ROR1: variants seen among roughly 807,000 people sequenced by gnomAD.
The protein encoded by ROR1 is inactive tyrosine-protein kinase transmembrane receptor ROR1.
Under a neutral mutation model 78.8 loss-of-function variants are expected in ROR1, and 19 were observed. That is an observed-to-expected ratio of 0.24 (90% confidence interval 0.17 to 0.35). ROR1 has a LOEUF of 0.35. Among genes scored for constraint, ROR1 ranks in the 10% least tolerant of loss-of-function variants. The pLI, the probability that ROR1 is intolerant of heterozygous loss-of-function variation, is 1.00. For synonymous variants in ROR1, 386 were observed against 433.6 expected, an observed-to-expected ratio of 0.89 and a Z score of 1.36; for missense variants, 917 against 1,177.8, an observed-to-expected ratio of 0.78 and a Z score of 3.24.
intron 1 of ROR1, among the ~76,000 whole-genome samples, chr1:63,965,669 G>T (rs1296823840): frequency 6.6e-6 from 1 of 151,872 alleles, no homozygotes; most frequent in Admixed American, 6.6e-5. Context: ...TTATTCTATT[G>T]TGCTGTTATC....
intron 4 of ROR1, among the ~76,000 whole-genome samples, chr1:64,119,727 G>A: frequency 6.6e-6 from 1 of 152,062 alleles, no homozygotes; most frequent in South Asian, 2.1e-4. Context: ...TGTGTTAAAG[G>A]TGGAACCATA....
At chr1:64,019,650 G>C (rs1298491399) in intron 2 of ROR1, among the ~76,000 whole-genome samples, 1 of 152,060 alleles carries the variant, frequency 6.6e-6, no homozygotes, top group Non-Finnish European at 1.5e-5. Flanking sequence ...CATCTATCGA[G>C]GGCTTATGAT....
chr1:63,972,808 T>G (rs555230075), intron 1 of ROR1, among the ~76,000 whole-genome samples: 1 of 152,338 alleles, frequency 6.6e-6, no homozygotes, highest in East Asian at 1.9e-4. Flanking sequence ...ATGGGCCTAG[T>G]GTTTTGAGAT....
chr1:63,821,696 T>G (rs748702152), intron 1 of ROR1, among the ~76,000 whole-genome samples: 1 of 152,102 alleles, frequency 6.6e-6, no homozygotes, highest in Non-Finnish European at 1.5e-5. Context: ...AGAAGCAGCG[T>G]TTGCAGTTAT....
Position 64,008,636 on chromosome 1 carries a change from C to CT in ROR1, c.92-662dup, listed in dbSNP as rs536836953. ...CTTGCCAGCATCTGTTATTTTTTGA[C>CT]TTTTTTTGTTTTTTTTGAGATGGAG... On this transcript the variant is annotated intron_variant, in intron 1 of 8. Coordinates refer to ENST00000371079, the MANE Select transcript of ROR1 (RefSeq NM_005012.4). Among the ~76,000 whole-genome samples, 5 of 151,982 alleles carry CT rather than the reference C, an allele frequency of 3.3e-5. No individual in the cohort carries two copies. In the South Asian group the frequency reaches 6.2e-4, roughly 19 times the overall value.
chr1:63,988,930 C>T (rs1371293736), intron 1 of ROR1, among the ~76,000 whole-genome samples: 3 of 152,110 alleles, frequency 2.0e-5, no homozygotes, highest in Admixed American at 2.0e-4. Flanking sequence ...GTTATAAATG[C>T]TGCCATGAGT....
intron 1 of ROR1, among the ~76,000 whole-genome samples, chr1:64,007,952 T>C (rs1646442439): frequency 1.2e-5 from 1 of 82,224 alleles, no homozygotes. Flanking sequence ...ATTTTGCCCT[T>C]GTTCTTTTTT....
chr1:64,015,431 G>A lies in ROR1; in HGVS notation c.163+6055G>A, dbSNP rs372087883. Among the ~76,000 whole-genome samples, 124 of 152,204 alleles carry A rather than the reference G, an allele frequency of 8.1e-4. 3 individuals carry two copies. In the South Asian group the frequency reaches 0.023, roughly 28 times the overall value. On this transcript the variant is annotated intron_variant, in intron 2 of 8. Transcript: ENST00000371079. ...AGCCCCCTGGCCTGCCTCTTCCCTC[G>A]AAGCTTCACCATCAAGGCCTATGAC...
chr1:64,076,156 C>A (rs1647048912), intron 4 of ROR1, among the ~76,000 whole-genome samples: 1 of 152,148 alleles, frequency 6.6e-6, no homozygotes, highest in Non-Finnish European at 1.5e-5. Flanking sequence ...AAGGAATCTG[C>A]AAAACAATTT....
At chr1:63,946,468 G>A (rs1409988540) in intron 1 of ROR1, among the ~76,000 whole-genome samples, 1 of 152,118 alleles carries the variant, frequency 6.6e-6, no homozygotes, top group African/African-American at 2.4e-5. Context: ...AAATGTTTTT[G>A]TGGTGTACAA....
At chr1:63,940,816 A>G (rs556053091) in intron 1 of ROR1, among the ~76,000 whole-genome samples, 1 of 152,292 alleles carries the variant, frequency 6.6e-6, no homozygotes, top group Non-Finnish European at 1.5e-5. Flanking sequence ...AATGGACAAC[A>G]TCTCAGCCAG....
chr1:64,157,097 T>C (rs1015000023), intron 7 of ROR1, among the ~76,000 whole-genome samples: 9 of 152,278 alleles, frequency 5.9e-5, no homozygotes, highest in Middle Eastern at 3.4e-3. Flanking sequence ...GCTAACATGA[T>C]TTTGCACCAG....
chr1:64,129,202 G>A (rs547526651), intron 4 of ROR1, among the ~76,000 whole-genome samples: 3 of 152,192 alleles, frequency 2.0e-5, no homozygotes, highest in Admixed American at 6.6e-5. Flanking sequence ...TTGGGGATTG[G>A]GTTTCACCCC....
At chr1:64,034,724 A>T (rs1234013928) in intron 2 of ROR1, among the ~76,000 whole-genome samples, 2 of 152,308 alleles carry the variant, frequency 1.3e-5, no homozygotes, top group Admixed American at 6.5e-5. Context: ...AGATTGATAG[A>T]TCAGAGGGTC....
At chr1:63,797,370 T>C (rs1644767300) in intron 1 of ROR1, among the ~76,000 whole-genome samples, 1 of 152,214 alleles carries the variant, frequency 6.6e-6, no homozygotes, top group African/African-American at 2.4e-5. Context: ...CCCGATTTTG[T>C]GGTTTGTCTC....
At chr1:63,812,950 C>T (rs1644869337) in intron 1 of ROR1, among the ~76,000 whole-genome samples, 1 of 152,066 alleles carries the variant, frequency 6.6e-6, no homozygotes. Flanking sequence ...GTTCTAAAGG[C>T]TTCCCATCAT....
chr1:63,798,339 C>T (rs1644774117), intron 1 of ROR1, among the ~76,000 whole-genome samples: 1 of 152,010 alleles, frequency 6.6e-6, no homozygotes, highest in African/African-American at 2.4e-5. Flanking sequence ...TTGCACTGGG[C>T]CCATCAACTT....
intron 1 of ROR1, among the ~76,000 whole-genome samples, chr1:63,823,756 A>T (rs1644937306): frequency 6.6e-6 from 1 of 151,314 alleles, no homozygotes; most frequent in Non-Finnish European, 1.5e-5. Context: ...CCCAGTCAAA[A>T]TCTTAAACTT....
At chr1:64,029,969 T>C (rs1232981467) in intron 2 of ROR1, among the ~76,000 whole-genome samples, 1 of 152,194 alleles carries the variant, frequency 6.6e-6, no homozygotes, top group Non-Finnish European at 1.5e-5. Flanking sequence ...TCATTTCCCA[T>C]GAAGCCTTCT....
Sources: allele counts gnomAD v4.1 joint callset (sites outside exome capture counted in the v4.1 genomes callset), GRCh38; gene constraint gnomAD v4.1.1; transcripts MANE v1.5; gene names NCBI Gene and HGNC (gene_info 2026-07-23, HGNC 2026-07-21).